Variants in ITGBL1 observed in about 807,000 individuals in gnomAD.
ITGBL1 encodes the protein integrin subunit beta like 1, also known as integrin beta-like protein 1.
Under a neutral mutation model 68.5 loss-of-function variants are expected in ITGBL1, and 51 were observed. The observed-to-expected ratio is 0.74, with a 90% CI of 0.59 to 0.94. The LOEUF (loss-of-function observed/expected upper bound fraction) is 0.94, where lower values mean the gene tolerates loss of function less well. Among genes scored for constraint, ITGBL1 ranks in the 40% least tolerant of loss-of-function variants. The probability of loss-of-function intolerance (pLI) is 0.00; values close to 1 mark genes in which losing one functional copy is unlikely to be tolerated. For missense variants in ITGBL1, 649 were observed against 647.4 expected, an observed-to-expected ratio of 1.00 and a Z score of -0.03; for synonymous variants, 209 against 227.3, an observed-to-expected ratio of 0.92 and a Z score of 0.72.
chr13:101,667,439 T>G (rs2139493286), intron 7 of ITGBL1, among the ~76,000 whole-genome samples: 1 of 147,754 alleles, frequency 6.8e-6, no homozygotes, highest in East Asian at 2.0e-4. Context: ...CAATGAAACA[T>G]AAACAGCAAG....
chr13:101,492,178 T>C (rs900348756), intron 2 of ITGBL1, among the ~76,000 whole-genome samples: 7 of 152,204 alleles, frequency 4.6e-5, no homozygotes, highest in African/African-American at 1.4e-4. Flanking sequence ...AAATGGTATT[T>C]CTGGTTCTTA....
intron 2 of ITGBL1, among the ~76,000 whole-genome samples, chr13:101,527,477 C>A: frequency 6.6e-6 from 1 of 152,040 alleles, no homozygotes; most frequent in East Asian, 1.9e-4. Context: ...TATGGATGGT[C>A]ATTTGAGTTG....
intron 4 of ITGBL1, among the ~76,000 whole-genome samples, chr13:101,576,649 G>T (rs2050364589): frequency 6.6e-6 from 1 of 152,140 alleles, no homozygotes; most frequent in Non-Finnish European, 1.5e-5. Context: ...GGCTAGCATA[G>T]GACAAGCTTG....
At chr13:101,674,200 A>C (rs1353224700) in intron 7 of ITGBL1, among the ~76,000 whole-genome samples, 1 of 152,250 alleles carries the variant, frequency 6.6e-6, no homozygotes, top group Non-Finnish European at 1.5e-5. Flanking sequence ...ACTCGCGTGC[A>C]TGCACACGCT....
At chr13:101,511,985 G>T (rs1326301826) in intron 2 of ITGBL1, among the ~76,000 whole-genome samples, 1 of 152,098 alleles carries the variant, frequency 6.6e-6, no homozygotes, top group Non-Finnish European at 1.5e-5. Context: ...ACCAAAATGT[G>T]CAATTTCCTT....
intron 7 of ITGBL1, among the ~76,000 whole-genome samples, chr13:101,667,445 G>A (rs2033249025): frequency 6.6e-6 from 1 of 150,704 alleles, no homozygotes; most frequent in African/African-American, 2.4e-5. Context: ...AACATAAACA[G>A]CAAGGAATTA....
intron 2 of ITGBL1, among the ~76,000 whole-genome samples, chr13:101,470,206 C>A (rs571129343): frequency 1.3e-5 from 2 of 152,202 alleles, no homozygotes; most frequent in African/African-American, 2.4e-5. Flanking sequence ...CTTAGCTAAC[C>A]TTGGAAGCTC....
chr13:101,658,824 C>T (rs924285103), intron 7 of ITGBL1, among the ~76,000 whole-genome samples: 15 of 151,750 alleles, frequency 9.9e-5, no homozygotes, highest in Non-Finnish European at 1.9e-4. Flanking sequence ...TCCTAAGCAG[C>T]GGAGCACCTC....
chr13:101,609,474 G>A (rs1343905140), intron 7 of ITGBL1, among the ~76,000 whole-genome samples: 2 of 152,044 alleles, frequency 1.3e-5, no homozygotes, highest in Non-Finnish European at 1.5e-5. Context: ...CTAAGCTAAT[G>A]ACATAATCTG....
intron 7 of ITGBL1, among the ~76,000 whole-genome samples, chr13:101,645,477 T>C (rs1040696574): frequency 2.0e-5 from 3 of 151,240 alleles, no homozygotes; most frequent in African/African-American, 7.4e-5. Context: ...AGCTTCGTAT[T>C]TGGGCACATT....
chr13:101,489,986 G>A (rs773981048), intron 2 of ITGBL1: 2 of 1,497,424 alleles, frequency 1.3e-6, no homozygotes, highest in South Asian at 2.4e-5. Flanking sequence ...GCAGTGATGG[G>A]AGCATTTAAT....
chr13:101,630,785 C>T (rs1195565035), intron 7 of ITGBL1, among the ~76,000 whole-genome samples: 1 of 151,982 alleles, frequency 6.6e-6, no homozygotes, highest in Non-Finnish European at 1.5e-5. Context: ...CTTTTATTTT[C>T]TTTGTTGTTA....
At position 101,452,896 on chromosome 13, in the gene ITGBL1, G is replaced by C. The variant is rs117481239; in HGVS notation, c.63G>C (p.Leu21Phe). 6 of 1,614,208 alleles carry C rather than the reference G, an allele frequency of 3.7e-6. No individual in the cohort carries two copies. The highest frequency in any genetic ancestry group is 5.1e-6 in the Non-Finnish European group (6 of 1,180,034). The change falls in exon 1 of 11, where the codon TTG (leucine) becomes TTC (phenylalanine). Residue 21 changes from leucine to phenylalanine, a missense_variant. Physicochemically the swap from Leu to Phe is conservative, Grantham distance 22 (BLOSUM62 0). Transcript: ENST00000376180. ...LLASSLLFAGLSAVPQSFSPS... is the reference protein window; with the variant it reads ...LLASSLLFAGFSAVPQSFSPS... The stretch of plus-strand genomic sequence containing the variant: ...CGTCCTCCCTTCTCTTTGCTGGGTT[G>C]TCAGCTGTTCCTCAAAGCTTCTCGC...
chr13:101,598,077 G>T lies in ITGBL1; in HGVS notation c.869-76G>T. The T allele has an allele frequency of 3.8e-6, 5 of 1,303,494 alleles. No homozygotes were observed. In the South Asian group the frequency reaches 7.6e-5, roughly 20 times the overall value. 80.7% of individuals were successfully genotyped at this position (1,303,494 alleles called of 1,614,324 possible). A position where few individuals can be genotyped will look rare whatever the true frequency, so the allele number is the denominator to read the frequency against. ...AGATCCTGACTCATTTGTGACATTT[G>T]CTGTTAGAATGAAAACTAATTCCAA... On this transcript the variant is annotated intron_variant, in intron 6 of 10. Transcript: ENST00000376180.
intron 7 of ITGBL1, among the ~76,000 whole-genome samples, chr13:101,605,973 C>T (rs7996786): frequency 4.9e-5 from 7 of 143,500 alleles, no homozygotes; most frequent in African/African-American, 1.8e-4. Flanking sequence ...CATATATATG[C>T]ATATATGTGT....
chr13:101,681,982 C>G (rs895135639), intron 7 of ITGBL1, among the ~76,000 whole-genome samples: 3 of 152,136 alleles, frequency 2.0e-5, no homozygotes, highest in African/African-American at 7.2e-5. Flanking sequence ...TACCTTATAC[C>G]AGTTTTAGAA....
intron 7 of ITGBL1, among the ~76,000 whole-genome samples, chr13:101,674,545 A>G (rs191395767): frequency 2.0e-5 from 3 of 151,628 alleles, no homozygotes; most frequent in African/African-American, 7.3e-5. Flanking sequence ...GTTACTTTCT[A>G]TTTCTTTCTT....
chr13:101,699,507 T>G (rs2034082531), intron 8 of ITGBL1, among the ~76,000 whole-genome samples: 1 of 152,162 alleles, frequency 6.6e-6, no homozygotes, highest in South Asian at 2.1e-4. Flanking sequence ...TGATAGTAAG[T>G]TCTCACGAGA....
intron 3 of ITGBL1, among the ~76,000 whole-genome samples, chr13:101,571,869 C>A (rs1196346789): frequency 2.0e-5 from 3 of 152,072 alleles, no homozygotes; most frequent in African/African-American, 7.2e-5. Context: ...GGACTGGATT[C>A]TATGTATGCA....
Sources: allele counts gnomAD v4.1 joint callset (sites outside exome capture counted in the v4.1 genomes callset), GRCh38; gene constraint gnomAD v4.1.1; transcripts MANE v1.5; gene names NCBI Gene and HGNC (gene_info 2026-07-23, HGNC 2026-07-21).